Variants in TIMM8A observed in about 807,000 individuals in gnomAD.
The protein encoded by TIMM8A is mitochondrial import inner membrane translocase subunit Tim8 A.
TIMM8A carries 2 observed loss-of-function variants against 6.8 expected under a neutral mutation model. The observed-to-expected ratio is 0.30, with a 90% CI of 0.12 to 0.93. The LOEUF is 0.93. Ranked by LOEUF, TIMM8A falls within the 40% of genes least tolerant of loss-of-function variation. The pLI is 0.55. For missense variants in TIMM8A, 34 were observed against 75.2 expected, an observed-to-expected ratio of 0.45 and a Z score of 2.02; for synonymous variants, 26 against 28.5, an observed-to-expected ratio of 0.91 and a Z score of 0.28.
At chrX:101,348,450 C>A (rs1480513100) in intron 1 of TIMM8A, 83 bp downstream of exon 1, 7 of 572,364 alleles carry the variant, frequency 1.2e-5, no homozygotes, top group African/African-American at 2.5e-5. Flanking sequence ...CACCCCGAAT[C>A]CCCGACGTTG....
At chrX:101,348,051 A>T in intron 1 of TIMM8A, 1 of 943,373 alleles carries the variant, frequency 1.1e-6, no homozygotes, top group Non-Finnish European at 1.3e-6. Context: ...GTTGGAAGAG[A>T]TTACACCACT....
At chrX:101,346,842 A>G (rs1296480559) in intron 1 of TIMM8A, 182 bp from the exon 2 acceptor site, 1 of 436,972 alleles carries the variant, frequency 2.3e-6, no homozygotes, top group African/African-American at 2.4e-5. Context: ...CTAGCCTTAC[A>G]TTAAATTCTT....
chrX:101,346,494 T>C lies in TIMM8A; in HGVS notation c.*5A>G, dbSNP rs1555976103. ...CCTTCCTTTTCCAAAGAGGTAATGC[T>C]GAGATCAGTCAGAAAGGCTTTCTGA... On this transcript the variant is annotated 3_prime_UTR_variant, in exon 2 of 2. Coordinates refer to ENST00000372902, the MANE Select transcript of TIMM8A (RefSeq NM_004085.4). 1.7e-6 allele frequency: 2 copies of C among 1,208,999 alleles called. No individual in the cohort carries two copies. The highest frequency in any genetic ancestry group is 1.7e-5 in the African/African-American group (1 of 57,297).
At chrX:101,346,988 C>T (rs1285076503) in intron 1 of TIMM8A, 3 of 214,074 alleles carry the variant, frequency 1.4e-5, no homozygotes, top group African/African-American at 5.9e-5. Context: ...AAGAAAATGG[C>T]AAAATATAAG....
chrX:101,346,735 T>C (rs978035187), intron 1 of TIMM8A, 75 bp from the exon 2 acceptor site: 50 of 1,076,808 alleles, frequency 4.6e-5, no homozygotes, highest in Non-Finnish European at 5.5e-5. Flanking sequence ...GGTCCCTTTT[T>C]GTTGCTTAGA....
chrX:101,348,631 A>T lies in TIMM8A; in HGVS notation c.34T>A (p.Leu12Met). ...TGCAACTGCGGGTCCACTGCACCCAAACCCGCCGCGGAGGAAGAGGAGGAG... is the reference window on the plus strand; with the variant it reads ...TGCAACTGCGGGTCCACTGCACCCATACCCGCCGCGGAGGAAGAGGAGGAG... ...DSSSSSSAAG[L>M]GAVDPQLQHF... The change falls in exon 1 of 2, where the codon TTG becomes ATG. Residue 12 changes from leucine (L) to methionine (M), a missense_variant. Leu to Met is a conservative substitution (Grantham distance 15). Transcript: ENST00000372902. The T allele has an allele frequency of 8.3e-7, 1 of 1,210,487 alleles. No homozygotes were observed. The highest frequency in any genetic ancestry group is 1.1e-6 in the Non-Finnish European group (1 of 894,789).
rs1407100680 is a variant in TIMM8A at position 101,346,236 on chromosome X, A to G, written c.*263T>C. On this transcript the variant is annotated 3_prime_UTR_variant, in exon 2 of 2. Transcript: ENST00000372902. ...GGGGCTTTGAGAAAAGCATAGTCCCATGTACAGTAATATGCATCTAAATAG... is the reference window on the plus strand; with the variant it reads ...GGGGCTTTGAGAAAAGCATAGTCCCGTGTACAGTAATATGCATCTAAATAG... The G allele has an allele frequency of 1.2e-5, 12 of 1,006,741 alleles. No homozygotes were observed. Among genetic ancestry groups the G allele is most frequent in the East Asian group, 4.3e-5 (1 of 23,087 alleles). The allele number at this position is 1,006,741 out of a possible 1,213,427, so 83.0% of individuals were successfully genotyped here.
chrX:101,347,245 C>T (rs73558971), intron 1 of TIMM8A: 1,466 of 110,143 alleles, frequency 0.013, 26 homozygotes, highest in African/African-American at 0.046. Context: ...TTCATCATAG[C>T]TTACAGTTTT....
At chrX:101,347,712 A>C (rs2147417134) in intron 1 of TIMM8A, 1 of 111,934 alleles carries the variant, frequency 8.9e-6, no homozygotes, top group African/African-American at 3.2e-5. Flanking sequence ...CAATACTGTA[A>C]GTTTATGGGA....
At position 101,346,511 on chromosome X, in the gene TIMM8A, G is replaced by C; in HGVS notation, c.282C>G (p.Ser94Arg). ...TQKSKPVFSE[S>R]LSD ...GGTAATGCTGAGATCAGTCAGAAAG[G>C]CTTTCTGAGAAAACTGGCTTGGATT... Residue 94 changes from serine to arginine, a missense_variant, in exon 2 of 2, where the codon AGC becomes AGG. Transcript: ENST00000372902. 2 of 1,210,762 alleles carry C rather than the reference G, an allele frequency of 1.7e-6. No homozygotes were observed. Among genetic ancestry groups the C allele is most frequent in the Non-Finnish European group, 2.2e-6 (2 of 895,459 alleles).
chrX:101,347,014 A>G (rs1357058006), intron 1 of TIMM8A: 1 of 178,978 alleles, frequency 5.6e-6, no homozygotes, highest in Admixed American at 7.3e-5. Context: ...TAACCTTTCA[A>G]TGAATTTGGT....
chrX:101,348,429 T>TGGGGGG, intron 1 of TIMM8A, 104 bp downstream of exon 1: 2 of 550,871 alleles, frequency 3.6e-6, no homozygotes, highest in Non-Finnish European at 5.9e-6. Context: ...TGCTGCCAGG[T>TGGGGGG]GCCCGCCCCC....
intron 1 of TIMM8A, chrX:101,348,289 G>A (rs1186576962): frequency 8.6e-7 from 1 of 1,162,023 alleles, no homozygotes; most frequent in African/African-American, 1.8e-5. Context: ...GGTGTCCAGT[G>A]GCATAAGTCT....
intron 1 of TIMM8A, 40 bp downstream of exon 1, chrX:101,348,493 A>G (rs1555976370): frequency 1.7e-6 from 2 of 1,151,106 alleles, no homozygotes; most frequent in South Asian, 3.6e-5. Flanking sequence ...ACAGAGGGAA[A>G]GTAGGTACAG....
chrX:101,348,479 A>G, intron 1 of TIMM8A, 54 bp downstream of exon 1: 3 of 1,038,740 alleles, frequency 2.9e-6, no homozygotes, highest in Non-Finnish European at 3.8e-6. Context: ...CCCGCGGTAC[A>G]AGGACAGAGG....
rs1926069932 is a variant in TIMM8A, at chrX:101,346,391, G to A, written c.*108C>T. ...TCTCAGATGACAGGATGTCCCAAGA[G>A]TAACAAAAGATGGGAGCCAATCCTC... is the stretch of plus-strand genomic sequence containing the variant. On this transcript the variant is annotated 3_prime_UTR_variant, in exon 2 of 2. Coordinates refer to ENST00000372902, the MANE Select transcript of TIMM8A (RefSeq NM_004085.4). The A allele has an allele frequency of 8.3e-7, 1 of 1,205,561 alleles. No homozygotes were observed. Among genetic ancestry groups the A allele is most frequent in the African/African-American group, 1.7e-5 (1 of 57,694 alleles).
intron 1 of TIMM8A, chrX:101,346,882 T>C (rs1304898247): frequency 4.0e-5 from 14 of 352,166 alleles, no homozygotes; most frequent in Middle Eastern, 7.6e-4. Flanking sequence ...GATACTATTA[T>C]AAATCCTCAT....
At chrX:101,346,771 A>G in intron 1 of TIMM8A, 111 bp from the exon 2 acceptor site, 4 of 752,516 alleles carry the variant, frequency 5.3e-6, no homozygotes, top group Non-Finnish European at 5.9e-6. Flanking sequence ...CCTAAAAATA[A>G]TATCTGATAT....
intron 1 of TIMM8A, chrX:101,347,924 TACCTTCC>T: frequency 1.9e-6 from 1 of 528,418 alleles, no homozygotes; most frequent in Non-Finnish European, 2.3e-6. Context: ...AAGCTGCAAA[TACCTTCC>T]ACCCTTTTGC....
Sources: gnomAD v4.1 joint callset for allele counts on GRCh38, gnomAD v4.1.1 for gene constraint, MANE v1.5 for transcripts, NCBI Gene and HGNC (gene_info 2026-07-23, HGNC 2026-07-21) for gene names.